The following FAM114A2 variants were observed in gnomAD, a reference collection of about 807,000 sequenced individuals.
The protein encoded by FAM114A2 is family with sequence similarity 114 member A2.
In FAM114A2, 53 loss-of-function variants were observed where a neutral mutation model predicts 58.4. The ratio of observed to expected loss-of-function variants is 0.91; its 90% CI spans 0.73 to 1.14. FAM114A2 has a LOEUF of 1.14. Ranked by LOEUF, FAM114A2 falls within the 50% of genes most tolerant of loss-of-function variation. The pLI is 0.00. For missense variants in FAM114A2, 601 were observed against 581.1 expected, an observed-to-expected ratio of 1.03 and a Z score of -0.35; for synonymous variants, 228 against 211.4, an observed-to-expected ratio of 1.08 and a Z score of -0.68.
rs115988395 is a variant in FAM114A2, at chr5:154,023,296, T to C, written c.913+3103A>G. On this transcript the variant is annotated intron_variant, in intron 8 of 13. Coordinates refer to ENST00000351797, the MANE Select transcript of FAM114A2 (RefSeq NM_018691.4). ...AACTTAAAGTATACTAATAAAATAATTTAAAAAAGAAAAAGATACTTGCAC... is the reference window on the plus strand; with the variant it reads ...AACTTAAAGTATACTAATAAAATAACTTAAAAAAGAAAAAGATACTTGCAC... 2.6e-3 allele frequency among the ~76,000 whole-genome samples: 392 copies of C among 152,030 alleles called. 2 individuals carry two copies. Among genetic ancestry groups the C allele is most frequent in the African/African-American group, 9.3e-3 (384 of 41,476 alleles).
Position 154,002,894 on chromosome 5 carries a change from G to T in FAM114A2, c.1069C>A (p.Gln357Lys). 1 of 1,614,012 alleles carries T rather than the reference G, an allele frequency of 6.2e-7. No individual in the cohort carries two copies. The highest frequency in any genetic ancestry group is 2.2e-5 in the East Asian group (1 of 44,862). The part of the protein sequence containing the change: ...PLAENEEGEK[Q>K]SEAENTEQVN... ...TGCTCAGTATTTTCTGCTTCCGACT[G>T]TTTTTCTCCTTCTTCATTCTCTGCT... The change falls in exon 10 of 14, where the codon CAG (glutamine) becomes AAG (lysine). Residue 357 changes from glutamine to lysine, a missense_variant. Coordinates refer to ENST00000351797, the MANE Select transcript of FAM114A2 (RefSeq NM_018691.4).
chr5:153,997,508 A>C (rs1418246111), intron 12 of FAM114A2, among the ~76,000 whole-genome samples: 1 of 152,192 alleles, frequency 6.6e-6, no homozygotes, highest in Non-Finnish European at 1.5e-5. Flanking sequence ...CATATTGTTT[A>C]ATCCCATTTA....
intron 10 of FAM114A2, 63 bp downstream of exon 10, chr5:154,002,784 C>T (rs1770074854): frequency 6.4e-7 from 1 of 1,566,008 alleles, no homozygotes; most frequent in Non-Finnish European, 8.8e-7. Flanking sequence ...AGCCTGGGTC[C>T]CTGATTGTGA....
intron 5 of FAM114A2, 115 bp downstream of exon 5, chr5:154,029,374 G>T (rs1581832092): frequency 4.7e-6 from 3 of 638,306 alleles, no homozygotes. Flanking sequence ...TCAGTGGCTT[G>T]GACTCCTTTA....
intron 8 of FAM114A2, among the ~76,000 whole-genome samples, chr5:154,024,112 T>C (rs1771622323): frequency 6.6e-6 from 1 of 152,086 alleles, no homozygotes; most frequent in Admixed American, 6.6e-5. Context: ...AACAGATAAA[T>C]GAACAGAAAG....
intron 9 of FAM114A2, among the ~76,000 whole-genome samples, chr5:154,008,265 G>T (rs1180765945): frequency 6.6e-6 from 1 of 152,112 alleles, no homozygotes; most frequent in African/African-American, 2.4e-5. Context: ...AGTGGAAGGG[G>T]AGTGGGATGG....
rs1001122498 is a variant in FAM114A2, at chr5:153,991,209, A to C, written c.*1767T>G. On this transcript the variant is annotated 3_prime_UTR_variant, in exon 14 of 14. Coordinates refer to ENST00000351797, the MANE Select transcript of FAM114A2 (RefSeq NM_018691.4). Reference sequence around the variant, plus strand: ...GAAATCTGAATAGGTGTATAAAAAGAGTTGTTACTCTCTCCTTCATATGTA... The same window carrying C: ...GAAATCTGAATAGGTGTATAAAAAGCGTTGTTACTCTCTCCTTCATATGTA... 1.3e-5 allele frequency: 2 copies of C among 152,208 alleles called. No homozygotes were observed. Among genetic ancestry groups the C allele is most frequent in the African/African-American group, 4.8e-5 (2 of 41,456 alleles). The allele number at this position is 152,208 out of a possible 1,614,324, so 9.4% of individuals were successfully genotyped here.
intron 8 of FAM114A2, among the ~76,000 whole-genome samples, chr5:154,020,168 T>C (rs1465247469): frequency 2.0e-5 from 3 of 152,126 alleles, no homozygotes; most frequent in African/African-American, 7.2e-5. Flanking sequence ...ACTGCATTTA[T>C]AGCACTAAAT....
chr5:153,994,254 T>C (rs180830155), intron 13 of FAM114A2, among the ~76,000 whole-genome samples: 3 of 152,276 alleles, frequency 2.0e-5, no homozygotes, highest in African/African-American at 4.8e-5. Flanking sequence ...AACTTAACTA[T>C]CAAATATATT....
intron 4 of FAM114A2, among the ~76,000 whole-genome samples, chr5:154,029,831 T>C (rs1772063014): frequency 6.6e-6 from 1 of 152,212 alleles, no homozygotes; most frequent in Non-Finnish European, 1.5e-5. Flanking sequence ...AGCCTATATG[T>C]TGTATGATTC....
At chr5:154,004,897 T>A (rs1047776369) in intron 9 of FAM114A2, among the ~76,000 whole-genome samples, 1 of 152,162 alleles carries the variant, frequency 6.6e-6, no homozygotes, top group African/African-American at 2.4e-5. Context: ...ATCAACTAGA[T>A]CATGCTCTTT....
At position 153,991,094 on chromosome 5, in the gene FAM114A2, T is replaced by C. The variant is rs901594669; in HGVS notation, c.*1882A>G. 2 of 145,104 alleles carry C rather than the reference T, an allele frequency of 1.4e-5. No individual in the cohort carries two copies. Among genetic ancestry groups the C allele is most frequent in the African/African-American group, 5.1e-5 (2 of 39,358 alleles). The allele number at this position is 145,104 out of a possible 1,614,324, so 9.0% of individuals were successfully genotyped here. On this transcript the variant is annotated 3_prime_UTR_variant, in exon 14 of 14. Transcript: ENST00000351797. ...CTCCATTAAAATAAATAAATATATA[T>C]GGGGGGGTGGGGAAGATGAGAAAAA...
At chr5:154,000,584 C>T (rs1434578335) in intron 11 of FAM114A2, among the ~76,000 whole-genome samples, 1 of 152,072 alleles carries the variant, frequency 6.6e-6, no homozygotes, top group Non-Finnish European at 1.5e-5. Context: ...TTGGTACTAT[C>T]CACAGTTTCA....
At chr5:154,033,312 T>C (rs548613523) in intron 4 of FAM114A2, among the ~76,000 whole-genome samples, 2 of 152,262 alleles carry the variant, frequency 1.3e-5, no homozygotes, top group Non-Finnish European at 2.9e-5. Context: ...CTAGCCTTCA[T>C]AGTTTGAGAG....
At chr5:154,030,257 C>T (rs1438036339) in intron 4 of FAM114A2, among the ~76,000 whole-genome samples, 1 of 152,106 alleles carries the variant, frequency 6.6e-6, no homozygotes, top group Non-Finnish European at 1.5e-5. Flanking sequence ...AACAGACATA[C>T]ATTACAAAGA....
intron 1 of FAM114A2, among the ~76,000 whole-genome samples, chr5:154,037,607 G>T (rs982200325): frequency 6.6e-6 from 1 of 152,008 alleles, no homozygotes; most frequent in African/African-American, 2.4e-5. Flanking sequence ...AGGTTGCAAC[G>T]CATCATTATC....
intron 8 of FAM114A2, among the ~76,000 whole-genome samples, chr5:154,022,932 T>C (rs1198064760): frequency 3.3e-5 from 5 of 152,186 alleles, no homozygotes; most frequent in African/African-American, 4.8e-5. Context: ...GTGGCACATA[T>C]ACACCATGCA....
At chr5:154,024,419 AAAG>A (rs1771643885) in intron 8 of FAM114A2, among the ~76,000 whole-genome samples, 1 of 152,146 alleles carries the variant, frequency 6.6e-6, no homozygotes, top group Non-Finnish European at 1.5e-5. Context: ...ATTTTTCAAA[AAAG>A]AAAAAGTTTA....
At chr5:154,024,173 A>AT (rs1005616528) in intron 8 of FAM114A2, among the ~76,000 whole-genome samples, 11 of 152,188 alleles carry the variant, frequency 7.2e-5, no homozygotes, top group African/African-American at 2.7e-4. Flanking sequence ...TCTAAAAAGC[A>AT]TTGCAGTTTA....
Sources: gnomAD v4.1 joint callset for allele counts (sites outside exome capture counted in the v4.1 genomes callset) on GRCh38, gnomAD v4.1.1 for gene constraint, MANE v1.5 for transcripts, NCBI Gene and HGNC (gene_info 2026-07-23, HGNC 2026-07-21) for gene names.